FBXL17: variants seen among roughly 807,000 people sequenced by gnomAD.
FBXL17 encodes F-box and leucine rich repeat protein 17.
FBXL17 carries 22 observed loss-of-function variants against 66.2 expected under a neutral mutation model. That is an observed-to-expected ratio of 0.33 (90% confidence interval 0.24 to 0.47). The LOEUF (loss-of-function observed/expected upper bound fraction) is 0.47. FBXL17 is among the 20% of genes least tolerant of loss of function. FBXL17 has a pLI of 1.00. For synonymous variants in FBXL17, 474 were observed against 400.5 expected, an observed-to-expected ratio of 1.18 and a Z score of -2.19; for missense variants, 878 against 948.2, an observed-to-expected ratio of 0.93 and a Z score of 0.97.
intron 7 of FBXL17, among the ~76,000 whole-genome samples, chr5:108,011,696 T>C (rs1443265980): frequency 6.6e-6 from 1 of 152,102 alleles, no homozygotes; most frequent in Non-Finnish European, 1.5e-5. Flanking sequence ...TGGTGGTACG[T>C]GCCTGTAATC....
chr5:107,992,691 A>C (rs1753299349), intron 7 of FBXL17, among the ~76,000 whole-genome samples: 2 of 152,168 alleles, frequency 1.3e-5, no homozygotes. Context: ...CAAATAGTAT[A>C]ATAACTTTCA....
chr5:107,871,072 A>AAAAAAAAAAAAAAC, intron 8 of FBXL17, among the ~76,000 whole-genome samples: 2 of 150,840 alleles, frequency 1.3e-5, no homozygotes, highest in African/African-American at 4.9e-5. Flanking sequence ...AAAAAAAAAA[A>AAAAAAAAAAAAAAC]AAAAAAACCT....
intron 1 of FBXL17, among the ~76,000 whole-genome samples, chr5:108,379,133 C>A (rs780013224): frequency 6.6e-6 from 1 of 152,260 alleles, no homozygotes; most frequent in Admixed American, 6.5e-5. Flanking sequence ...ATTAGAGTTT[C>A]TCTTTATTAT....
At chr5:108,198,619 T>C (rs762197680) in intron 5 of FBXL17, among the ~76,000 whole-genome samples, 3 of 152,192 alleles carry the variant, frequency 2.0e-5, no homozygotes, top group Admixed American at 6.5e-5. Flanking sequence ...ATATTTGAAA[T>C]CCAGGTCAAG....
At chr5:108,149,220 A>G (rs1751675007) in intron 6 of FBXL17, among the ~76,000 whole-genome samples, 1 of 152,190 alleles carries the variant, frequency 6.6e-6, no homozygotes, top group Admixed American at 6.5e-5. Flanking sequence ...TCTATATCAG[A>G]TTTATCTTTC....
chr5:108,009,286 T>TAGATAGATAGATAG lies in FBXL17; in HGVS notation c.1822+11638_1822+11639insCTATCTATCTATCT, dbSNP rs1172522525. Among the ~76,000 whole-genome samples the TAGATAGATAGATAG allele has an allele frequency of 8.7e-4, 47 of 53,776 alleles. 7 individuals are homozygous for TAGATAGATAGATAG. The highest frequency in any genetic ancestry group is 3.1e-3 in the East Asian group (5 of 1,610). The allele number at this position is 53,776 out of a possible 152,430, so 35.3% of individuals were successfully genotyped here. A position where few individuals can be genotyped will look rare whatever the true frequency, so the allele number is the denominator to read the frequency against. On this transcript the variant is annotated intron_variant, in intron 7 of 8. Transcript: ENST00000542267. The stretch of plus-strand genomic sequence containing the variant: ...TTATATATATATATATATATATATA[T>TAGATAGATAGATAG]ATATATATATATATACATATATACA...
intron 7 of FBXL17, among the ~76,000 whole-genome samples, chr5:107,918,395 A>C (rs981857656): frequency 6.6e-6 from 1 of 152,240 alleles, no homozygotes; most frequent in Non-Finnish European, 1.5e-5. Context: ...TCAAATGTAC[A>C]GAGAGTTTTT....
At chr5:108,336,575 C>G (rs1760391637) in intron 4 of FBXL17, among the ~76,000 whole-genome samples, 1 of 151,986 alleles carries the variant, frequency 6.6e-6, no homozygotes, top group African/African-American at 2.4e-5. Flanking sequence ...AAATATATAA[C>G]AGGTAATCTG....
chr5:107,983,577 T>C (rs933155859), intron 7 of FBXL17, among the ~76,000 whole-genome samples: 3 of 151,898 alleles, frequency 2.0e-5, no homozygotes, highest in African/African-American at 7.3e-5. Flanking sequence ...GGGGATATTG[T>C]TGATGTGGAA....
At chr5:108,294,043 CA>C (rs71624893) in intron 4 of FBXL17, among the ~76,000 whole-genome samples, 8,523 of 50,758 alleles carry the variant, frequency 0.17, 65 homozygotes, top group South Asian at 0.25. Context: ...TCTTGTCTCA[CA>C]AAAAAAAAAA....
chr5:108,294,812 A>C (rs955828188), intron 4 of FBXL17, among the ~76,000 whole-genome samples: 1 of 152,118 alleles, frequency 6.6e-6, no homozygotes, highest in Non-Finnish European at 1.5e-5. Flanking sequence ...GTCATAAGCA[A>C]GTCTATTTCT....
chr5:108,055,949 G>A (rs1747692633), intron 6 of FBXL17, among the ~76,000 whole-genome samples: 1 of 152,124 alleles, frequency 6.6e-6, no homozygotes. Context: ...GATGATCAAG[G>A]TTATAGAGAG....
chr5:107,971,198 G>C (rs1752358994), intron 7 of FBXL17, among the ~76,000 whole-genome samples: 1 of 152,110 alleles, frequency 6.6e-6, no homozygotes, highest in Admixed American at 6.6e-5. Flanking sequence ...AACTGGGCTG[G>C]GGAGATGAAA....
chr5:108,324,641 G>T (rs1167264913), intron 4 of FBXL17, among the ~76,000 whole-genome samples: 1 of 152,020 alleles, frequency 6.6e-6, no homozygotes, highest in Non-Finnish European at 1.5e-5. Context: ...GTATACCTAT[G>T]TTCATAGCGT....
intron 7 of FBXL17, among the ~76,000 whole-genome samples, chr5:107,935,772 C>T (rs1309666090): frequency 6.6e-6 from 1 of 152,020 alleles, no homozygotes; most frequent in Non-Finnish European, 1.5e-5. Flanking sequence ...CCAGCTTGTC[C>T]AATAGGTTCA....
intron 4 of FBXL17, among the ~76,000 whole-genome samples, chr5:108,315,740 G>C (rs1759333242): frequency 2.0e-5 from 3 of 151,340 alleles, no homozygotes; most frequent in Admixed American, 2.0e-4. Flanking sequence ...ACTGAAATTA[G>C]GCTTGCTAAT....
At chr5:108,116,233 G>C (rs1750242322) in intron 6 of FBXL17, among the ~76,000 whole-genome samples, 1 of 152,120 alleles carries the variant, frequency 6.6e-6, no homozygotes, top group South Asian at 2.1e-4. Context: ...TGGTCTAGGA[G>C]AAAGAACAAC....
At chr5:108,092,504 T>C (rs1219926736) in intron 6 of FBXL17, among the ~76,000 whole-genome samples, 1 of 152,060 alleles carries the variant, frequency 6.6e-6, no homozygotes, top group Non-Finnish European at 1.5e-5. Flanking sequence ...TTAGTAGATA[T>C]GGGGTTTTGC....
At chr5:108,236,966 G>A (rs1466939062) in intron 4 of FBXL17, among the ~76,000 whole-genome samples, 1 of 152,140 alleles carries the variant, frequency 6.6e-6, no homozygotes, top group Non-Finnish European at 1.5e-5. Flanking sequence ...TTCGGGTTAG[G>A]AGTCTGTGGA....
Sources: gnomAD v4.1 joint callset for allele counts (sites outside exome capture counted in the v4.1 genomes callset) on GRCh38, gnomAD v4.1.1 for gene constraint, MANE v1.5 for transcripts, NCBI Gene and HGNC (gene_info 2026-07-23, HGNC 2026-07-21) for gene names.